GPR26: variants seen among roughly 807,000 people sequenced by gnomAD.
GPR26 encodes G protein-coupled receptor 26.
Under a neutral mutation model 23.1 loss-of-function variants are expected in GPR26, and 15 were observed. The observed-to-expected ratio is 0.65, with a 90% CI of 0.43 to 1.00. The LOEUF (loss-of-function observed/expected upper bound fraction) is 1.00. Among genes scored for constraint, GPR26 ranks in the 50% least tolerant of loss-of-function variants. The pLI, the probability that GPR26 is intolerant of heterozygous loss-of-function variation, is 0.00. For missense variants in GPR26, 359 were observed against 470.5 expected (o/e 0.76, Z 2.19); for synonymous variants, 228 against 222.1 (o/e 1.03, Z -0.24).
intron 1 of GPR26, among the ~76,000 whole-genome samples, chr10:123,669,189 T>A (rs1407311239): frequency 6.6e-6 from 1 of 152,182 alleles, no homozygotes; most frequent in African/African-American, 2.4e-5. Flanking sequence ...CATCGGCCAG[T>A]GCCAACAGGC....
At chr10:123,687,869 TG>T in intron 2 of GPR26, 59 bp from the exon 3 acceptor site, 2 of 1,211,006 alleles carry the variant, frequency 1.7e-6, no homozygotes, top group Non-Finnish European at 1.2e-6. Flanking sequence ...CCCTGGCCCA[TG>T]GCCACTCCCA....
chr10:123,668,506 C>T (rs1845214380), intron 1 of GPR26, among the ~76,000 whole-genome samples: 1 of 152,242 alleles, frequency 6.6e-6, no homozygotes, highest in Non-Finnish European at 1.5e-5. Context: ...TGTATATGTA[C>T]CAGACAGCTG....
At chr10:123,677,848 T>A (rs944394214) in intron 2 of GPR26, among the ~76,000 whole-genome samples, 7 of 152,190 alleles carry the variant, frequency 4.6e-5, no homozygotes, top group Admixed American at 4.6e-4. Context: ...CAGCAACAGG[T>A]GGCTACAGGG....
intron 2 of GPR26, among the ~76,000 whole-genome samples, chr10:123,683,698 C>T (rs1037199819): frequency 6.6e-6 from 1 of 152,178 alleles, no homozygotes; most frequent in Non-Finnish European, 1.5e-5. Flanking sequence ...TGCGCCAGTC[C>T]CCCACATCAG....
Position 123,691,795 on chromosome 10 carries a change from C to A in GPR26, c.*3635C>A, listed in dbSNP as rs1387668043. 1 of 152,126 alleles carries A rather than the reference C, an allele frequency of 6.6e-6. No homozygotes were observed. Among genetic ancestry groups the A allele is most frequent in the Non-Finnish European group, 1.5e-5 (1 of 68,020 alleles). 9.4% of individuals were successfully genotyped at this position (152,126 alleles called of 1,614,324 possible). ...TGTTTAAGATGCAGATTCCAGCATC[C>A]CCTCCTCAGAGATCAATTTCAGCAG... On this transcript the variant is annotated 3_prime_UTR_variant, in exon 3 of 3. Transcript: ENST00000284674.
chr10:123,677,368 G>T (rs1031103897), intron 2 of GPR26, among the ~76,000 whole-genome samples: 1 of 152,138 alleles, frequency 6.6e-6, no homozygotes, highest in Non-Finnish European at 1.5e-5. Context: ...ACCCGGGAGA[G>T]AAGCAATGCC....
At position 123,694,855 on chromosome 10, in the gene GPR26, G is replaced by A. The variant is rs1179052372; in HGVS notation, c.*6695G>A. Reference sequence around the variant, plus strand: ...CATCTTCATTACACAGCGTGGGGAGGGAAGCATAATTCACTCTTAAGAAAC... The same window carrying A: ...CATCTTCATTACACAGCGTGGGGAGAGAAGCATAATTCACTCTTAAGAAAC... On this transcript the variant is annotated 3_prime_UTR_variant, in exon 3 of 3. Transcript: ENST00000284674. 1.3e-5 allele frequency among the ~76,000 whole-genome samples: 2 copies of A among 152,136 alleles called. No individual in the cohort carries two copies. Among genetic ancestry groups the A allele is most frequent in the Non-Finnish European group, 2.9e-5 (2 of 68,032 alleles).
intron 2 of GPR26, among the ~76,000 whole-genome samples, chr10:123,682,618 T>C (rs912553886): frequency 7.2e-5 from 11 of 152,238 alleles, no homozygotes; most frequent in African/African-American, 2.7e-4. Flanking sequence ...TCTGGAAGCA[T>C]TTGTAAGGCT....
At chr10:123,677,134 A>G (rs961500883) in intron 2 of GPR26, among the ~76,000 whole-genome samples, 1 of 151,240 alleles carries the variant, frequency 6.6e-6, no homozygotes, top group African/African-American at 2.4e-5. Flanking sequence ...ACTTCAAACT[A>G]TTGGACTTTT....
chr10:123,670,170 TC>T (rs1414349851), intron 1 of GPR26, among the ~76,000 whole-genome samples: 2 of 152,182 alleles, frequency 1.3e-5, no homozygotes, highest in Admixed American at 6.5e-5. Context: ...CTCTGCTGGT[TC>T]CCCCAGTGTG....
intron 1 of GPR26, among the ~76,000 whole-genome samples, chr10:123,667,873 G>A (rs1294348177): frequency 6.6e-6 from 1 of 152,168 alleles, no homozygotes; most frequent in East Asian, 1.9e-4. Flanking sequence ...AGCCTGTCAG[G>A]GAGAGAAGGA....
rs1327231500 is a variant in GPR26, at chr10:123,693,077, C to T, written c.*4917C>T. 1 of 152,262 alleles carries T rather than the reference C, an allele frequency of 6.6e-6. No individual in the cohort carries two copies. Among genetic ancestry groups the T allele is most frequent in the Non-Finnish European group, 1.5e-5 (1 of 68,098 alleles). The allele number at this position is 152,262 out of a possible 1,614,324, so 9.4% of individuals were successfully genotyped here. A position where few individuals can be genotyped will look rare whatever the true frequency, so the allele number is the denominator to read the frequency against. Reference sequence around the variant, plus strand: ...TTAGGAAACAGCCCCTTACTCTCAGCTCCTGTGCTAACACCCATACCCACC... The same window carrying T: ...TTAGGAAACAGCCCCTTACTCTCAGTTCCTGTGCTAACACCCATACCCACC... On this transcript the variant is annotated 3_prime_UTR_variant, in exon 3 of 3. Coordinates refer to ENST00000284674, the MANE Select transcript of GPR26 (RefSeq NM_153442.4).
At position 123,674,010 on chromosome 10, in the gene GPR26, G is replaced by T. The variant is rs1845279763; in HGVS notation, c.669-808G>T. On this transcript the variant is annotated intron_variant, in intron 1 of 2. Coordinates refer to ENST00000284674, the MANE Select transcript of GPR26 (RefSeq NM_153442.4). This position sits in a 1 kb window ranked among gnomAD's most constrained non-coding sequence, Gnocchi z 4.1. ...TTCGCTTTTCTTGCCCAGGCTGAAG[G>T]GCAATGACACGGTCTCAGCTCACTG... Among the ~76,000 whole-genome samples, 1 of 151,882 alleles carries T rather than the reference G, an allele frequency of 6.6e-6. No individual in the cohort carries two copies. The highest frequency in any genetic ancestry group is 1.5e-5 in the Non-Finnish European group (1 of 68,006).
intron 1 of GPR26, 145 bp downstream of exon 1, chr10:123,667,220 G>A (rs1845197715): frequency 6.0e-6 from 4 of 661,988 alleles, no homozygotes; most frequent in Non-Finnish European, 1.0e-5. Context: ...CAGCTGTGGG[G>A]CTTAAGGAGG....
In GPR26 at chr10:123,666,740, G is replaced by T; in HGVS notation, c.333G>T (p.Pro111=). Residue 111 remains proline (P), a synonymous_variant, in exon 1 of 3, where the codon CCG becomes CCT. Transcript: ENST00000284674. ...ACCGCTGGGTGGCCGTGGTCTTCCC[G>T]CTGAGCTACCGGGCCAAGATGCGCC... ...SIDRWVAVVF[P]LSYRAKMRLR... is the part of the protein sequence containing the mutation. 4 of 1,598,302 alleles carry T rather than the reference G, an allele frequency of 2.5e-6. No individual in the cohort carries two copies. The highest frequency in any genetic ancestry group is 2.5e-6 in the Non-Finnish European group (3 of 1,176,908).
chr10:123,686,949 T>C (rs1231223943), intron 2 of GPR26, among the ~76,000 whole-genome samples: 1 of 152,212 alleles, frequency 6.6e-6, no homozygotes, highest in Non-Finnish European at 1.5e-5. Context: ...TATTTCATGT[T>C]AATGCTGGAT....
chr10:123,696,863 A>C lies in GPR26; in HGVS notation c.*8703A>C, dbSNP rs1845550241. 1.4e-5 allele frequency among the ~76,000 whole-genome samples: 2 copies of C among 144,598 alleles called. No homozygotes were observed. The highest frequency in any genetic ancestry group is 1.3e-4 in the Admixed American group (2 of 14,954). The allele number at this position is 144,598 out of a possible 152,430, so 94.9% of individuals were successfully genotyped here. ...CCCATGAGCATATGCATATGGGTGA[A>C]TGTTTGTGTGCCCATGAGTATATGC... On this transcript the variant is annotated 3_prime_UTR_variant, in exon 3 of 3. Transcript: ENST00000284674.
chr10:123,673,115 CA>C (rs1845268625), intron 1 of GPR26, among the ~76,000 whole-genome samples: 1 of 152,132 alleles, frequency 6.6e-6, no homozygotes, highest in African/African-American at 2.4e-5. Flanking sequence ...CATTTTCAGC[CA>C]GGACGAAATC....
chr10:123,668,109 G>A (rs551802624), intron 1 of GPR26, among the ~76,000 whole-genome samples: 3 of 152,268 alleles, frequency 2.0e-5, no homozygotes, highest in East Asian at 3.9e-4. Context: ...CAGGGCCAGC[G>A]AGGGCCTTCC....
Sources: allele counts gnomAD v4.1 joint callset (sites outside exome capture counted in the v4.1 genomes callset), GRCh38; gene constraint gnomAD v4.1.1; non-coding constraint Gnocchi (gnomAD v3.1); transcripts MANE v1.5; gene names NCBI Gene and HGNC (gene_info 2026-07-23, HGNC 2026-07-21).